Variants in ZNF587 observed in about 807,000 individuals in gnomAD.
ZNF587 encodes zinc finger protein 587.
In ZNF587, 8 loss-of-function variants were observed where a neutral mutation model predicts 7.5. The observed-to-expected ratio is 1.06, with a 90% confidence interval of 0.62 to 1.92. The LOEUF (loss-of-function observed/expected upper bound fraction) is 1.92. Among genes scored for constraint, ZNF587 ranks in the 40% most tolerant of loss-of-function variants. The pLI, the probability that ZNF587 is intolerant of heterozygous loss-of-function variation, is 0.00. For synonymous variants in ZNF587, 145 were observed against 237.8 expected (o/e 0.61, Z 3.59); for missense variants, 468 against 692.8 (o/e 0.68, Z 3.64).
intron 1 of ZNF587, 173 bp downstream of exon 1, chr19:57,850,244 G>A: frequency 8.5e-7 from 1 of 1,177,182 alleles, no homozygotes; most frequent in Admixed American, 2.6e-5. Flanking sequence ...GTTGCCAGCT[G>A]CCTAGACAGA....
In ZNF587 at chr19:57,864,005, T is replaced by C. The variant is rs1344143474; in HGVS notation, c.*3865T>C. Reference sequence around the variant, plus strand: ...GTGCACTGAGCCAATATCACACCAGTGCACTCCAACCTGGTGACAGAGAGA... The same window carrying C: ...GTGCACTGAGCCAATATCACACCAGCGCACTCCAACCTGGTGACAGAGAGA... On this transcript the variant is annotated 3_prime_UTR_variant, in exon 3 of 3. Coordinates refer to ENST00000339656, the MANE Select transcript of ZNF587 (RefSeq NM_032828.4). 1 of 141,158 alleles carries C rather than the reference T, an allele frequency of 7.1e-6. No homozygotes were observed. The highest frequency in any genetic ancestry group is 1.5e-5 in the Non-Finnish European group (1 of 66,472). 8.7% of individuals were successfully genotyped at this position (141,158 alleles called of 1,614,324 possible).
intron 1 of ZNF587, among the ~76,000 whole-genome samples, chr19:57,854,734 C>G (rs1262371200): frequency 1.3e-5 from 2 of 151,986 alleles, no homozygotes; most frequent in Non-Finnish European, 2.9e-5. Flanking sequence ...CCCTCTTCAT[C>G]TTGTGAAATA....
At chr19:57,850,875 T>C in intron 1 of ZNF587, 1 of 267,598 alleles carries the variant, frequency 3.7e-6, no homozygotes, top group Non-Finnish European at 7.0e-6. Context: ...TGGCCGTTTC[T>C]GTGAATTTCC....
Position 57,864,620 on chromosome 19 carries a change from T to G in ZNF587, c.*4480T>G, listed in dbSNP as rs1426919564. On this transcript the variant is annotated 3_prime_UTR_variant, in exon 3 of 3. Coordinates refer to ENST00000339656, the MANE Select transcript of ZNF587 (RefSeq NM_032828.4). ...TACAGGCACATACATGAAATAGTGATACTTCATTCTCAGTAATATCTTCAT... is the reference window on the plus strand; with the variant it reads ...TACAGGCACATACATGAAATAGTGAGACTTCATTCTCAGTAATATCTTCAT... 6.6e-6 allele frequency: 1 copy of G among 152,198 alleles called. No homozygotes were observed. Among genetic ancestry groups the G allele is most frequent in the Non-Finnish European group, 1.5e-5 (1 of 68,034 alleles). The allele number at this position is 152,198 out of a possible 1,614,324, so 9.4% of individuals were successfully genotyped here.
At chr19:57,854,982 C>G (rs535792066) in intron 1 of ZNF587, among the ~76,000 whole-genome samples, 1 of 151,730 alleles carries the variant, frequency 6.6e-6, no homozygotes, top group African/African-American at 2.4e-5. Flanking sequence ...CGAGACCATC[C>G]TGGCTAACAC....
chr19:57,852,333 A>G, intron 1 of ZNF587: 1 of 398,566 alleles, frequency 2.5e-6, no homozygotes. Context: ...AGGAGGTGAT[A>G]TTACCACAGT....
At position 57,862,387 on chromosome 19, in the gene ZNF587, A is replaced by G. The variant is rs1267440801; in HGVS notation, c.*2247A>G. 9.2e-5 allele frequency: 14 copies of G among 152,200 alleles called. No individual in the cohort carries two copies. The highest frequency in any genetic ancestry group is 3.4e-3 in the Middle Eastern group (1 of 294). The allele number at this position is 152,200 out of a possible 1,614,324, so 9.4% of individuals were successfully genotyped here. On this transcript the variant is annotated 3_prime_UTR_variant, in exon 3 of 3. Coordinates refer to ENST00000339656, the MANE Select transcript of ZNF587 (RefSeq NM_032828.4). ...GCTCTGAGTCCTCTACTCAATACCC[A>G]TTGAGATTTATGTGTTCTGAGGCTT...
chr19:57,856,966 CATAGACT>C (rs2071364327), intron 2 of ZNF587: 1 of 151,846 alleles, frequency 6.6e-6, no homozygotes, highest in Non-Finnish European at 1.5e-5. Context: ...GACCATAGAC[CATAGACT>C]CTTCTTGCAA....
intron 1 of ZNF587, among the ~76,000 whole-genome samples, chr19:57,854,756 A>G (rs995403749): frequency 6.6e-6 from 1 of 152,016 alleles, no homozygotes; most frequent in African/African-American, 2.4e-5. Context: ...TTTTATTTGT[A>G]GGCGCTGGGT....
In ZNF587 at chr19:57,861,305, T is replaced by C. The variant is rs2071429369; in HGVS notation, c.*1165T>C. ...TGTTTATTATTTTAATAAGTGGTTATAACTTTTGAGTCAGTGGTTTATGTT... is the reference window on the plus strand; with the variant it reads ...TGTTTATTATTTTAATAAGTGGTTACAACTTTTGAGTCAGTGGTTTATGTT... On this transcript the variant is annotated 3_prime_UTR_variant, in exon 3 of 3. Coordinates refer to ENST00000339656, the MANE Select transcript of ZNF587 (RefSeq NM_032828.4). 1 of 152,220 alleles carries C rather than the reference T, an allele frequency of 6.6e-6. No homozygotes were observed. Among genetic ancestry groups the C allele is most frequent in the Non-Finnish European group, 1.5e-5 (1 of 68,046 alleles). 9.4% of individuals were successfully genotyped at this position (152,220 alleles called of 1,614,324 possible). A position where few individuals can be genotyped will look rare whatever the true frequency, so the allele number is the denominator to read the frequency against.
chr19:57,853,174 G>A (rs2071304464), intron 1 of ZNF587, among the ~76,000 whole-genome samples: 1 of 152,176 alleles, frequency 6.6e-6, no homozygotes, highest in South Asian at 2.1e-4. Flanking sequence ...TTTCTAATGT[G>A]GATGATAGGA....
In ZNF587 at chr19:57,863,722, A is replaced by AAGTT. The variant is rs1233862836; in HGVS notation, c.*3585_*3588dup. On this transcript the variant is annotated 3_prime_UTR_variant, in exon 3 of 3. Coordinates refer to ENST00000339656, the MANE Select transcript of ZNF587 (RefSeq NM_032828.4). ...TTAAGAAATGTGGATAAAAGATTGT[A>AAGTT]AGTTAGAAATGGCAAGATAATCAGC... 6.6e-6 allele frequency: 1 copy of AAGTT among 152,104 alleles called. No individual in the cohort carries two copies. Among genetic ancestry groups the AAGTT allele is most frequent in the Non-Finnish European group, 1.5e-5 (1 of 68,024 alleles). 9.4% of individuals were successfully genotyped at this position (152,104 alleles called of 1,614,324 possible). A position where few individuals can be genotyped will look rare whatever the true frequency, so the allele number is the denominator to read the frequency against.
intron 1 of ZNF587, among the ~76,000 whole-genome samples, chr19:57,853,142 C>T (rs1482370342): frequency 2.0e-5 from 3 of 152,170 alleles, no homozygotes; most frequent in Non-Finnish European, 4.4e-5. Flanking sequence ...CACGAGCCAC[C>T]ATGCCTTGCA....
At chr19:57,856,049 G>A (rs941358758) in intron 1 of ZNF587, 55 bp from the exon 2 acceptor site, 2 of 1,607,456 alleles carry the variant, frequency 1.2e-6, no homozygotes, top group Non-Finnish European at 8.5e-7. Context: ...GGGAGAGGTG[G>A]GTTGTGGTAC....
At chr19:57,852,546 C>A (rs1427823853) in intron 1 of ZNF587, among the ~76,000 whole-genome samples, 3 of 147,768 alleles carry the variant, frequency 2.0e-5, no homozygotes, top group African/African-American at 7.6e-5. Flanking sequence ...TTTTTCTTAA[C>A]GTGGAATTTC....
intron 2 of ZNF587, among the ~76,000 whole-genome samples, chr19:57,856,599 G>A (rs1199462408): frequency 1.3e-5 from 2 of 151,772 alleles, no homozygotes; most frequent in African/African-American, 4.9e-5. Context: ...TAGTAGAGAC[G>A]AGGTTTCACC....
In ZNF587 at chr19:57,856,815, G is replaced by T. The variant is rs182635302; in HGVS notation, c.163+582G>T. 5.2e-3 allele frequency among the ~76,000 whole-genome samples: 797 copies of T among 152,090 alleles called. 20 individuals are homozygous for T. The highest frequency in any genetic ancestry group is 0.019 in the African/African-American group (766 of 41,364). On this transcript the variant is annotated intron_variant, in intron 2 of 2. Coordinates refer to ENST00000339656, the MANE Select transcript of ZNF587 (RefSeq NM_032828.4). ...GCACCTTAATGTATCCACTTTGCCT[G>T]CCTCTGGCTGTCAGGTGACTGTCCA...
intron 1 of ZNF587, among the ~76,000 whole-genome samples, chr19:57,852,740 C>T (rs1474706561): frequency 1.3e-5 from 2 of 148,948 alleles, no homozygotes; most frequent in African/African-American, 2.5e-5. Context: ...GTTGGCCAGG[C>T]TGGTCTCGAA....
At position 57,859,773 on chromosome 19, in the gene ZNF587, A is replaced by G. The variant is rs369144534; in HGVS notation, c.1361A>G (p.His454Arg). 5 of 1,613,944 alleles carry G rather than the reference A, an allele frequency of 3.1e-6. No individual in the cohort carries two copies. The highest frequency in any genetic ancestry group is 1.6e-4 in the Middle Eastern group (1 of 6,084). ...AACAGGAAGTATCATCTTCTGGTTCATGAGAGAGTTCACACTGGAGAAAGG... is the reference window on the plus strand; with the variant it reads ...AACAGGAAGTATCATCTTCTGGTTCGTGAGAGAGTTCACACTGGAGAAAGG... The part of the protein sequence containing the change: ...LFNRKYHLLV[H>R]ERVHTGERPY... Residue 454 changes from histidine (H) to arginine (R), a missense_variant, in exon 3 of 3, where the codon CAT (histidine) becomes CGT (arginine). Transcript: ENST00000339656.
Sources: gnomAD v4.1 joint callset for allele counts (sites outside exome capture counted in the v4.1 genomes callset) on GRCh38, gnomAD v4.1.1 for gene constraint, MANE v1.5 for transcripts, NCBI Gene and HGNC (gene_info 2026-07-23, HGNC 2026-07-21) for gene names.